CORIN: variants seen among roughly 807,000 people sequenced by gnomAD.
CORIN encodes the protein atrial natriuretic peptide-converting enzyme.
In CORIN, 117 loss-of-function variants were observed where a neutral mutation model predicts 125.3. That is an observed-to-expected ratio of 0.93 (90% CI 0.80 to 1.09). CORIN has a LOEUF of 1.09. Ranked by LOEUF, CORIN falls within the 50% of genes least tolerant of loss-of-function variation. The pLI is 0.00. For synonymous variants in CORIN, 450 were observed against 466.4 expected, an observed-to-expected ratio of 0.96 and a Z score of 0.45; for missense variants, 1,253 against 1,306.7, an observed-to-expected ratio of 0.96 and a Z score of 0.63.
chr4:47,645,216 A>G, intron 13 of CORIN, 22 bp from the exon 14 acceptor site: 6 of 1,321,956 alleles, frequency 4.5e-6, no homozygotes, highest in Non-Finnish European at 6.5e-6. Context: ...AGAAAAGGTT[A>G]TTTGCAATAG....
intron 5 of CORIN, among the ~76,000 whole-genome samples, chr4:47,721,574 C>T (rs933221869): frequency 1.3e-5 from 2 of 152,166 alleles, no homozygotes; most frequent in Admixed American, 6.5e-5. Flanking sequence ...CAGCCCATAA[C>T]CTCATCTAAA....
chr4:47,597,535 T>G (rs916657101), intron 21 of CORIN, among the ~76,000 whole-genome samples: 1 of 152,152 alleles, frequency 6.6e-6, no homozygotes, highest in Non-Finnish European at 1.5e-5. Flanking sequence ...AAAGCAAAAT[T>G]TCTTTGTTAC....
chr4:47,608,201 A>ACCCCAGCTACTCAGGAGGCTG (rs1172407009), intron 19 of CORIN, among the ~76,000 whole-genome samples: 9 of 148,932 alleles, frequency 6.0e-5, no homozygotes, highest in African/African-American at 2.2e-4. Flanking sequence ...GGCACCTGTA[A>ACCCCAGCTACTCAGGAGGCTG]CCCCAGCTAC....
At chr4:47,622,796 G>T (rs931512103) in intron 19 of CORIN, among the ~76,000 whole-genome samples, 19 of 152,052 alleles carry the variant, frequency 1.2e-4, no homozygotes, top group Non-Finnish European at 2.8e-4. Flanking sequence ...TACCTCATCA[G>T]GTTTTGGATT....
chr4:47,629,042 T>C (rs1322220074), intron 16 of CORIN, among the ~76,000 whole-genome samples: 1 of 152,182 alleles, frequency 6.6e-6, no homozygotes, highest in African/African-American at 2.4e-5. Context: ...TTATTTCCTT[T>C]AGATATATAC....
chr4:47,616,252 G>GTATATTCATATTAATATTCACATACTT (rs1255752068), intron 19 of CORIN, among the ~76,000 whole-genome samples: 1 of 151,982 alleles, frequency 6.6e-6, no homozygotes, highest in Non-Finnish European at 1.5e-5. Context: ...TGATATTCAA[G>GTATATTCATATTAATATTCACATACTT]TATATTCATA....
chr4:47,766,293 G>T (rs1048041520), intron 3 of CORIN, among the ~76,000 whole-genome samples: 1 of 152,164 alleles, frequency 6.6e-6, no homozygotes, highest in African/African-American at 2.4e-5. Context: ...ATTGGATCCC[G>T]TGGTGCCAGA....
At chr4:47,662,161 T>C (rs1724280022) in intron 11 of CORIN, among the ~76,000 whole-genome samples, 1 of 152,240 alleles carries the variant, frequency 6.6e-6, no homozygotes, top group African/African-American at 2.4e-5. Context: ...TCTTCTGTCT[T>C]TGAAGGAGAC....
chr4:47,623,497 A>C, intron 19 of CORIN, 74 bp downstream of exon 19: 1 of 1,488,964 alleles, frequency 6.7e-7, no homozygotes. Flanking sequence ...ATGGAGTTAC[A>C]TATGCCACTG....
chr4:47,687,649 T>C (rs1219541926), intron 6 of CORIN, among the ~76,000 whole-genome samples: 5 of 152,146 alleles, frequency 3.3e-5, no homozygotes, highest in Admixed American at 3.3e-4. Flanking sequence ...AACTGTACAG[T>C]CTCTATGACT....
rs373870481 is a variant in CORIN, at chr4:47,607,235, C to T, written c.2541-3567G>A. ...CATCCTGGCTAACGCGGTGAAACCC[C>T]GTCTCTACTAAAAATACAAAAAATT... On this transcript the variant is annotated intron_variant, in intron 19 of 21. Transcript: ENST00000273857. Among the ~76,000 whole-genome samples, 48 of 152,040 alleles carry T rather than the reference C, an allele frequency of 3.2e-4. No homozygotes were observed. The East Asian group carries it at 8.5e-3, about 27-fold the overall frequency.
At chr4:47,612,899 G>A (rs1721925208) in intron 19 of CORIN, among the ~76,000 whole-genome samples, 1 of 152,162 alleles carries the variant, frequency 6.6e-6, no homozygotes, top group South Asian at 2.1e-4. Flanking sequence ...AAAATTACAG[G>A]AAATGAACAA....
At chr4:47,823,015 A>G (rs969407772) in intron 1 of CORIN, among the ~76,000 whole-genome samples, 2 of 151,956 alleles carry the variant, frequency 1.3e-5, no homozygotes, top group African/African-American at 4.8e-5. Flanking sequence ...GGGCTTCACC[A>G]TATTGGCCAG....
intron 19 of CORIN, among the ~76,000 whole-genome samples, chr4:47,618,742 C>T (rs1355633015): frequency 1.3e-5 from 2 of 151,796 alleles, no homozygotes; most frequent in East Asian, 3.9e-4. Flanking sequence ...TGGCATGAAC[C>T]CAGGAGGCGG....
intron 12 of CORIN, among the ~76,000 whole-genome samples, chr4:47,660,692 A>T (rs1047902366): frequency 3.3e-5 from 5 of 152,218 alleles, no homozygotes; most frequent in Non-Finnish European, 1.5e-5. Flanking sequence ...GCTAGCAAGG[A>T]TGTGGAGAAA....
intron 3 of CORIN, among the ~76,000 whole-genome samples, chr4:47,774,391 T>C (rs1015495049): frequency 6.6e-6 from 1 of 152,222 alleles, no homozygotes; most frequent in South Asian, 2.1e-4. Context: ...TAAACATGGT[T>C]TCTTTCTGGG....
At chr4:47,596,340 T>C (rs1427666542) in intron 21 of CORIN, among the ~76,000 whole-genome samples, 1 of 152,120 alleles carries the variant, frequency 6.6e-6, no homozygotes, top group Non-Finnish European at 1.5e-5. Flanking sequence ...TTCTAAAATA[T>C]CTATTTTCAA....
chr4:47,763,190 T>A (rs1729549088), intron 4 of CORIN, among the ~76,000 whole-genome samples, 189 bp downstream of exon 4: 1 of 151,950 alleles, frequency 6.6e-6, no homozygotes, highest in Non-Finnish European at 1.5e-5. Context: ...TTGTGAATAA[T>A]TTTTTCCCAT....
chr4:47,804,238 G>T (rs1345666130), intron 2 of CORIN, among the ~76,000 whole-genome samples: 2 of 152,150 alleles, frequency 1.3e-5, no homozygotes, highest in East Asian at 3.9e-4. Flanking sequence ...GAAAAGGGAA[G>T]CATTGTACAC....
Sources: gnomAD v4.1 joint callset for allele counts (sites outside exome capture counted in the v4.1 genomes callset) on GRCh38, gnomAD v4.1.1 for gene constraint, MANE v1.5 for transcripts, NCBI Gene and HGNC (gene_info 2026-07-23, HGNC 2026-07-21) for gene names.